The following KIAA1217 variants were observed in gnomAD, a reference collection of about 807,000 sequenced individuals.
The protein encoded by KIAA1217 is sickle tail protein homolog.
Under a neutral mutation model 163.9 loss-of-function variants are expected in KIAA1217, and 88 were observed. The ratio of observed to expected loss-of-function variants is 0.54; its 90% confidence interval spans 0.45 to 0.64. The LOEUF (loss-of-function observed/expected upper bound fraction) is 0.64. Among genes scored for constraint, KIAA1217 ranks in the 30% least tolerant of loss-of-function variants. KIAA1217 has a pLI of 0.00. For synonymous variants in KIAA1217, 903 were observed against 923.1 expected (o/e 0.98, Z 0.39); for missense variants, 2,372 against 2,475.0 (o/e 0.96, Z 0.88).
At chr10:23,898,304 TACAC>T (rs35343854) in intron 1 of KIAA1217, among the ~76,000 whole-genome samples, 34,135 of 149,130 alleles carry the variant, frequency 0.23, 4,011 homozygotes, top group Middle Eastern at 0.32. Context: ...ACTATATATA[TACAC>T]ACACACACAC....
chr10:23,842,387 CCA>C (rs1838829194), intron 1 of KIAA1217, among the ~76,000 whole-genome samples: 2 of 152,212 alleles, frequency 1.3e-5, no homozygotes, highest in South Asian at 4.1e-4. Context: ...TTTGGGCCAA[CCA>C]CAGTCATTAT....
chr10:24,354,734 T>TCTCCTCTG, intron 2 of KIAA1217, among the ~76,000 whole-genome samples: 1 of 67,080 alleles, frequency 1.5e-5, no homozygotes, highest in African/African-American at 6.6e-5. Flanking sequence ...CCTTCTCTTC[T>TCTCCTCTG]CTCCTCTGCT....
intron 1 of KIAA1217, among the ~76,000 whole-genome samples, chr10:23,775,710 C>T (rs918892921): frequency 1.1e-4 from 17 of 152,176 alleles, no homozygotes; most frequent in African/African-American, 4.1e-4. Flanking sequence ...CCTTTTAGGT[C>T]ATACTAGTAT....
intron 1 of KIAA1217, among the ~76,000 whole-genome samples, chr10:23,885,198 C>T (rs578215617): frequency 1.3e-3 from 199 of 152,042 alleles, no homozygotes; most frequent in African/African-American, 4.7e-3. Flanking sequence ...TTGATATATA[C>T]ATAGTGAAAT....
At chr10:23,714,816 A>C (rs188187691) in intron 1 of KIAA1217, among the ~76,000 whole-genome samples, 1 of 152,232 alleles carries the variant, frequency 6.6e-6, no homozygotes, top group East Asian at 1.9e-4. Flanking sequence ...TGGGGAACTC[A>C]TGGGCAGAAG....
At chr10:24,175,523 C>T (rs12770732) in intron 2 of KIAA1217, among the ~76,000 whole-genome samples, 44,699 of 151,680 alleles carry the variant, frequency 0.29, 7,367 homozygotes, top group South Asian at 0.36. Flanking sequence ...CAATCTTATC[C>T]AGGTTGCTGC....
In KIAA1217 at chr10:24,473,421, C is replaced by A. The variant is rs2063728006; in HGVS notation, c.1040C>A (p.Pro347His). ...GTTGTTCCTGGCAATGCCACCATCC[C>A]CAGGGACAGAATCTCCAGCCTGCCA... ...SMVVPGNATIPRDRISSLPVS... is the reference protein window; with the variant it reads ...SMVVPGNATIHRDRISSLPVS... Residue 347 changes from proline to histidine, a missense_variant, in exon 6 of 21, where the codon CCC (proline) becomes CAC (histidine). Pro to His is a moderately conservative substitution (Grantham distance 77). Coordinates refer to ENST00000376454, the MANE Select transcript of KIAA1217 (RefSeq NM_019590.5). The A allele has an allele frequency of 6.2e-7, 1 of 1,613,960 alleles. No individual in the cohort carries two copies. The highest frequency in any genetic ancestry group is 1.3e-5 in the African/African-American group (1 of 74,892).
In KIAA1217 at chr10:24,529,889, C is replaced by T. The variant is rs373090078; in HGVS notation, c.3082+1770C>T. On this transcript the variant is annotated intron_variant, in intron 14 of 20. Transcript: ENST00000376454. ...CTTGGCTCCCTGCAACCTCCGCCTC[C>T]TGGGTTCAAGCAATTCTTCTCCCTC... 1.1e-3 allele frequency among the ~76,000 whole-genome samples: 160 copies of T among 151,590 alleles called. 1 individual carries two copies. The highest frequency in any genetic ancestry group is 3.6e-3 in the African/African-American group (148 of 41,246).
chr10:24,390,795 C>G (rs542760025), intron 3 of KIAA1217, among the ~76,000 whole-genome samples: 2 of 152,238 alleles, frequency 1.3e-5, no homozygotes, highest in South Asian at 4.2e-4. Flanking sequence ...TATAGTGAAG[C>G]ATGTTTTGTG....
chr10:23,932,836 A>C (rs909983746), intron 1 of KIAA1217, among the ~76,000 whole-genome samples: 2 of 152,224 alleles, frequency 1.3e-5, no homozygotes, highest in Non-Finnish European at 2.9e-5. Context: ...CCTGGCCTTA[A>C]ATTCCTACTT....
intron 2 of KIAA1217, among the ~76,000 whole-genome samples, chr10:24,350,522 T>C (rs758967736): frequency 3.3e-5 from 5 of 152,198 alleles, no homozygotes; most frequent in Non-Finnish European, 5.9e-5. Context: ...CTGCTTTTGA[T>C]GTGTTTTCAT....
intron 1 of KIAA1217, among the ~76,000 whole-genome samples, chr10:24,211,570 G>T (rs139822925): frequency 0.57 from 78,977 of 139,392 alleles, 22,531 homozygotes; most frequent in East Asian, 0.69. Context: ...GTATTGTATT[G>T]TATTGTATTG....
intron 2 of KIAA1217, among the ~76,000 whole-genome samples, chr10:24,298,777 G>A (rs1414207824): frequency 6.6e-6 from 1 of 151,934 alleles, no homozygotes; most frequent in African/African-American, 2.4e-5. Flanking sequence ...CAGCCTGGGC[G>A]ACAGAGGAAG....
In KIAA1217 at chr10:23,979,297, C is replaced by T. The variant is rs74124844; in HGVS notation, c.-320-27928C>T. Among the ~76,000 whole-genome samples the T allele has an allele frequency of 3.4e-3, 518 of 152,270 alleles. 2 individuals are homozygous for T. The highest frequency in any genetic ancestry group is 0.012 in the African/African-American group (486 of 41,556). On this transcript the variant is annotated intron_variant, in intron 1 of 18. Coordinates refer to the KIAA1217 transcript ENST00000376462. The stretch of plus-strand genomic sequence containing the variant: ...AGCGTCCTAAAGAGGTGACTTCACC[C>T]GCCCAAGTTGACATAGCCAGTCCCA...
chr10:24,158,924 A>G (rs1434826174), intron 2 of KIAA1217: 1 of 196,098 alleles, frequency 5.1e-6, no homozygotes, highest in Non-Finnish European at 1.1e-5. Flanking sequence ...CTTTTTCATT[A>G]AAGATACAGC....
intron 1 of KIAA1217, among the ~76,000 whole-genome samples, chr10:23,865,673 C>A (rs1302243047): frequency 6.6e-6 from 1 of 151,720 alleles, no homozygotes; most frequent in East Asian, 1.9e-4. Flanking sequence ...TAATTTTTAA[C>A]GTTTAAATCT....
chr10:24,242,787 G>T (rs2073264017), intron 2 of KIAA1217, among the ~76,000 whole-genome samples: 1 of 152,136 alleles, frequency 6.6e-6, no homozygotes, highest in African/African-American at 2.4e-5. Flanking sequence ...ATTCTGACCG[G>T]TGTGAGATGG....
chr10:24,205,094 A>G (rs1181164341), upstream of KIAA1217, among the ~76,000 whole-genome samples: 3 of 152,108 alleles, frequency 2.0e-5, no homozygotes, highest in Admixed American at 6.6e-5. Flanking sequence ...AAGTGAAAAA[A>G]TATTAAATAT....
At chr10:24,505,640 TAAAG>T (rs902516370) in intron 9 of KIAA1217, among the ~76,000 whole-genome samples, 1 of 152,006 alleles carries the variant, frequency 6.6e-6, no homozygotes, top group African/African-American at 2.4e-5. Flanking sequence ...AGGCTTGGCA[TAAAG>T]AGAGGATGGC....
Sources: allele counts gnomAD v4.1 joint callset (sites outside exome capture counted in the v4.1 genomes callset), GRCh38; gene constraint gnomAD v4.1.1; transcripts MANE v1.5; gene names NCBI Gene and HGNC (gene_info 2026-07-23, HGNC 2026-07-21).